The following GSN variants were observed in gnomAD, a reference collection of about 807,000 sequenced individuals.
GSN encodes the protein actin-depolymerizing factor.
Under a neutral mutation model 85.7 loss-of-function variants are expected in GSN, and 56 were observed. The observed-to-expected ratio is 0.65, with a 90% confidence interval of 0.53 to 0.82. The LOEUF (loss-of-function observed/expected upper bound fraction) is 0.82. Among genes scored for constraint, GSN ranks in the 40% least tolerant of loss-of-function variants. The pLI, the probability that GSN is intolerant of heterozygous loss-of-function variation, is 0.00. For missense variants in GSN, 857 were observed against 979.8 expected, an observed-to-expected ratio of 0.87 and a Z score of 1.67; for synonymous variants, 373 against 399.1, an observed-to-expected ratio of 0.93 and a Z score of 0.78.
Position 121,238,999 on chromosome 9 carries a change from T to C in GSN, c.-389+7696T>C, listed in dbSNP as rs537794829. ...GATAGGTGGGTAAATCTCTCTCTTGTGTAGCTGTCTGTCCACATAGATCTG... is the reference window on the plus strand; with the variant it reads ...GATAGGTGGGTAAATCTCTCTCTTGCGTAGCTGTCTGTCCACATAGATCTG... On this transcript the variant is annotated intron_variant, in intron 5 of 24. Coordinates refer to the GSN transcript ENST00000373823. The C allele has an allele frequency of 4.2e-4, 214 of 513,642 alleles. 1 individual carries two copies. The highest frequency in any genetic ancestry group is 3.1e-5 in the Non-Finnish European group (8 of 254,826). The allele number at this position is 513,642 out of a possible 1,614,324, so 31.8% of individuals were successfully genotyped here.
chr9:121,308,678 A>T (rs551561041), intron 4 of GSN: 1 of 152,292 alleles, frequency 6.6e-6, no homozygotes, highest in African/African-American at 2.4e-5. Flanking sequence ...AGAAAACCTG[A>T]TATTGAGAGA....
intron 4 of GSN, among the ~76,000 whole-genome samples, chr9:121,304,102 A>G (rs2060167273): frequency 6.6e-6 from 1 of 152,084 alleles, no homozygotes; most frequent in South Asian, 2.1e-4. Flanking sequence ...GTGCTGTGTG[A>G]CCTTAGAGAA....
chr9:121,211,911 A>T (rs2053976227), intron 4 of GSN, among the ~76,000 whole-genome samples: 2 of 152,174 alleles, frequency 1.3e-5, no homozygotes, highest in Non-Finnish European at 2.9e-5. Flanking sequence ...TGGATAAGGG[A>T]ATCTCTGAGG....
chr9:121,314,115 GAGCAA>G (rs2061465815), intron 7 of GSN, 92 bp downstream of exon 7: 2 of 998,582 alleles, frequency 2.0e-6, no homozygotes, highest in East Asian at 4.8e-5. Flanking sequence ...ATGGGACCTT[GAGCAA>G]AGCACCCCTT....
intron 4 of GSN, among the ~76,000 whole-genome samples, chr9:121,227,717 GTGT>G (rs1186163091): frequency 6.6e-6 from 1 of 152,126 alleles, no homozygotes; most frequent in Non-Finnish European, 1.5e-5. Flanking sequence ...CCTCACATTG[GTGT>G]CAGACTGTTG....
In GSN at chr9:121,288,389, C is replaced by T. The variant is rs145595215; in HGVS notation, c.-10+6827C>T. ...TTTCACTAATGTGCACAGTGTCTGA[C>T]GCACCCGAGGAGCTGGGCACGTGGG... On this transcript the variant is annotated intron_variant, in intron 2 of 17. Transcript: ENST00000432226. 9.6e-3 allele frequency among the ~76,000 whole-genome samples: 1,461 copies of T among 152,228 alleles called. 37 individuals are homozygous for T. Among genetic ancestry groups the T allele is most frequent in the Admixed American group, 0.055 (835 of 15,288 alleles).
At chr9:121,247,561 T>G (rs1189352036) in intron 5 of GSN, among the ~76,000 whole-genome samples, 1 of 152,206 alleles carries the variant, frequency 6.6e-6, no homozygotes, top group African/African-American at 2.4e-5. Context: ...TACTTTTCAA[T>G]TAAACTGATC....
chr9:121,324,254 C>T (rs1238188729), intron 11 of GSN, among the ~76,000 whole-genome samples: 1 of 152,232 alleles, frequency 6.6e-6, no homozygotes, highest in African/African-American at 2.4e-5. Context: ...ATTTGAGTCT[C>T]AGAGCATCTT....
intron 5 of GSN, among the ~76,000 whole-genome samples, chr9:121,237,351 C>T (rs1048163740): frequency 3.3e-5 from 5 of 152,060 alleles, no homozygotes; most frequent in Middle Eastern, 3.2e-3. Flanking sequence ...CACTTGAGCC[C>T]AGGGGTTCAA....
chr9:121,217,923 G>A (rs554868208), intron 4 of GSN, among the ~76,000 whole-genome samples: 2 of 151,386 alleles, frequency 1.3e-5, no homozygotes, highest in Non-Finnish European at 2.9e-5. Context: ...AAGCTTTTGC[G>A]TATATAAGGG....
At chr9:121,239,478 G>A (rs537329120) in intron 5 of GSN, 17 of 330,358 alleles carry the variant, frequency 5.1e-5, no homozygotes, top group African/African-American at 3.1e-4. Flanking sequence ...TGTAGTCTAC[G>A]TCTTTGGATT....
intron 17 of GSN, 24 bp downstream of exon 17, chr9:121,331,472 C>CG: frequency 7.2e-7 from 1 of 1,387,806 alleles, no homozygotes; most frequent in South Asian, 1.4e-5. Context: ...TGCCTGGGGG[C>CG]GGGGGGAGGG....
At chr9:121,312,275 C>T (rs2061237017) in intron 5 of GSN, 64 bp from the exon 6 acceptor site, 10 of 1,578,922 alleles carry the variant, frequency 6.3e-6, no homozygotes, top group Non-Finnish European at 5.2e-6. Context: ...ACTCCCCAAG[C>T]CCTGTCGCTG....
At position 121,299,630 on chromosome 9, in the gene GSN, A is replaced by C. The variant is rs777202101; in HGVS notation, c.-9-2333A>C. 1.9e-4 allele frequency: 91 copies of C among 474,680 alleles called. No homozygotes were observed. The highest frequency in any genetic ancestry group is 2.3e-4 in the Non-Finnish European group (85 of 363,262). 29.4% of individuals were successfully genotyped at this position (474,680 alleles called of 1,614,324 possible). A position where few individuals can be genotyped will look rare whatever the true frequency, so the allele number is the denominator to read the frequency against. ...TGTGCACACAGCTAGCGCCCGCCGT[A>C]TGTCAGGCCTGGTGCTGGGTCTCCG... is the stretch of plus-strand genomic sequence containing the variant. On this transcript the variant is annotated intron_variant, in intron 2 of 17. Transcript: ENST00000432226. The surrounding 1 kb of genome is among the most constrained non-coding windows in gnomAD (Gnocchi z 4.2).
chr9:121,303,509 A>G (rs1346859573), intron 4 of GSN, among the ~76,000 whole-genome samples: 2 of 152,244 alleles, frequency 1.3e-5, no homozygotes, highest in Non-Finnish European at 2.9e-5. Context: ...TCTGTTCACT[A>G]GAATCCCCTT....
chr9:121,316,477 T>G (rs1406841689), intron 7 of GSN, among the ~76,000 whole-genome samples: 2 of 152,170 alleles, frequency 1.3e-5, no homozygotes, highest in Non-Finnish European at 2.9e-5. Context: ...TTTTATTTAC[T>G]TATTTATTTT....
intron 2 of GSN, 84 bp from the exon 3 acceptor site, chr9:121,301,879 T>C (rs2059905415): frequency 1.1e-5 from 17 of 1,605,332 alleles, no homozygotes; most frequent in Admixed American, 1.7e-5. Context: ...ATGCTCTTGG[T>C]GCTAGAAACC....
intron 2 of GSN, among the ~76,000 whole-genome samples, chr9:121,293,680 A>G (rs2132966459): frequency 6.9e-6 from 1 of 145,686 alleles, no homozygotes; most frequent in East Asian, 2.1e-4. Context: ...CCTGGGTGAC[A>G]GAGCGAGACC....
In GSN at chr9:121,318,567, G is replaced by C. The variant is rs1237090346; in HGVS notation, c.975+73G>C. The C allele has an allele frequency of 2.0e-6, 3 of 1,470,138 alleles. No homozygotes were observed. In the South Asian group the frequency reaches 3.4e-5, roughly 17 times the overall value. 91.1% of individuals were successfully genotyped at this position (1,470,138 alleles called of 1,614,324 possible). A position where few individuals can be genotyped will look rare whatever the true frequency, so the allele number is the denominator to read the frequency against. On this transcript the variant is annotated intron_variant, in intron 9 of 17. Coordinates refer to ENST00000432226, the MANE Select transcript of GSN (RefSeq NM_198252.3). The surrounding 1 kb of genome is among the most constrained non-coding windows in gnomAD (Gnocchi z 4.3). ...GAGGGGATGGGCTGGAGTAGGGCGG[G>C]TGTCCCACCCTCAGTGTGGATGGGG...
Sources: allele counts gnomAD v4.1 joint callset (sites outside exome capture counted in the v4.1 genomes callset), GRCh38; gene constraint gnomAD v4.1.1; non-coding constraint Gnocchi (gnomAD v3.1); transcripts MANE v1.5; gene names NCBI Gene and HGNC (gene_info 2026-07-23, HGNC 2026-07-21).